Variants in WDR27 observed in about 807,000 individuals in gnomAD.
The protein encoded by WDR27 is WD repeat-containing protein 27.
A neutral mutation model predicts 114.4 loss-of-function variants in WDR27; 100 were observed. The ratio of observed to expected loss-of-function variants is 0.87; its 90% CI spans 0.74 to 1.03. The LOEUF (loss-of-function observed/expected upper bound fraction) is 1.03, where lower values mean the gene tolerates loss of function less well. WDR27 is among the 50% of genes least tolerant of loss of function. The probability of loss-of-function intolerance (pLI) is 0.00; values close to 1 mark genes in which losing one functional copy is unlikely to be tolerated. For synonymous variants in WDR27, 449 were observed against 423.1 expected, an observed-to-expected ratio of 1.06 and a Z score of -0.75; for missense variants, 1,129 against 1,092.9, an observed-to-expected ratio of 1.03 and a Z score of -0.47.
At chr6:169,605,730 CA>C (rs1462316846) in intron 22 of WDR27, among the ~76,000 whole-genome samples, 1 of 151,858 alleles carries the variant, frequency 6.6e-6, no homozygotes, top group Non-Finnish European at 1.5e-5. Flanking sequence ...TTATAGTAAC[CA>C]AAACAACATG....
At chr6:169,433,226 G>A in the WDR27 span, among the ~76,000 whole-genome samples, 2 of 152,140 alleles carry the variant, frequency 1.3e-5, no homozygotes, top group South Asian at 4.2e-4. Context: ...CATTAGCAGG[G>A]GTCTCCCTCC....
intron 13 of WDR27, chr6:169,657,832 T>C (rs1392403399): frequency 6.3e-6 from 1 of 158,764 alleles, no homozygotes; most frequent in African/African-American, 2.4e-5. Context: ...GGTTTTGATA[T>C]AACGTCATGG....
chr6:169,532,715 T>C (rs1795740382), intron 25 of WDR27, among the ~76,000 whole-genome samples: 1 of 152,172 alleles, frequency 6.6e-6, no homozygotes, highest in Non-Finnish European at 1.5e-5. Context: ...TGTATATTTG[T>C]TGTTGGGTAA....
Position 169,632,544 on chromosome 6 carries a change from GTCAAAACAGACTGGCTGTATCCAA to G in WDR27, c.2223+379_2223+402del, listed in dbSNP as rs1372289540. ...GTGGATATTTGTAAACTTTGTCTCT[GTCAAAACAGACTGGCTGTATCCAA>G]CAGCCTCCACCTTCAAAAAAAAGCT... On this transcript the variant is annotated intron_variant, in intron 21 of 25. Transcript: ENST00000448612. Among the ~76,000 whole-genome samples the G allele has an allele frequency of 5.9e-5, 9 of 152,130 alleles. No homozygotes were observed. The East Asian group carries it at 1.5e-3, about 26-fold the overall frequency.
intron 25 of WDR27, among the ~76,000 whole-genome samples, chr6:169,482,933 C>G (rs1217776890): frequency 6.6e-6 from 1 of 152,146 alleles, no homozygotes; most frequent in Non-Finnish European, 1.5e-5. Flanking sequence ...TCCTGAATGA[C>G]TTTTGGGTAA....
chr6:169,659,073 G>C lies in WDR27; in HGVS notation c.1319+13C>G. On this transcript the variant is annotated intron_variant, in intron 12 of 25. Transcript: ENST00000448612. This position sits in a 1 kb window ranked among gnomAD's most constrained non-coding sequence, Gnocchi z 4.3. The stretch of plus-strand genomic sequence containing the variant: ...GAACACACACACACACTCCACACTT[G>C]AAGACACTCTACCTGGCTGGCACCG... The C allele has an allele frequency of 1.3e-6, 2 of 1,534,686 alleles. No individual in the cohort carries two copies. Among genetic ancestry groups the C allele is most frequent in the African/African-American group, 1.4e-5 (1 of 71,874 alleles).
intron 23 of WDR27, among the ~76,000 whole-genome samples, chr6:169,596,152 ATTTT>A (rs1279471527): frequency 6.6e-6 from 1 of 152,022 alleles, no homozygotes; most frequent in Admixed American, 6.6e-5. Flanking sequence ...ATTTAACTAA[ATTTT>A]TTTAATTTTA....
intron 6 of WDR27, 55 bp downstream of exon 6, chr6:169,667,080 GA>G: frequency 6.9e-7 from 1 of 1,452,836 alleles, no homozygotes; most frequent in South Asian, 1.6e-5. Context: ...ATATGCTCTA[GA>G]AAAAGTGGGT....
At chr6:169,564,125 G>A (rs1454117303) in intron 25 of WDR27, among the ~76,000 whole-genome samples, 3 of 152,348 alleles carry the variant, frequency 2.0e-5, no homozygotes, top group Non-Finnish European at 4.4e-5. Context: ...GAAGGCCCAA[G>A]AGCCCCTGGC....
At chr6:169,460,604 A>G (rs977991555) in intron 25 of WDR27, among the ~76,000 whole-genome samples, 3 of 152,208 alleles carry the variant, frequency 2.0e-5, no homozygotes, top group African/African-American at 7.2e-5. Context: ...TAATTAGTTT[A>G]AATGTAAATG....
chr6:169,485,041 A>T (rs1303389040), intron 25 of WDR27, among the ~76,000 whole-genome samples: 2 of 152,224 alleles, frequency 1.3e-5, no homozygotes, highest in African/African-American at 4.8e-5. Flanking sequence ...TAAAAACTTA[A>T]ATGTAAAACC....
chr6:169,672,016 T>C, intron 3 of WDR27: 1 of 377,484 alleles, frequency 2.6e-6, no homozygotes, highest in East Asian at 4.1e-5. Flanking sequence ...CCAATGAGCC[T>C]ATAAGATCAG....
At chr6:169,672,735 G>A (rs1367440948) in intron 2 of WDR27, among the ~76,000 whole-genome samples, 1 of 152,184 alleles carries the variant, frequency 6.6e-6, no homozygotes, top group Non-Finnish European at 1.5e-5. Flanking sequence ...AGAATAAGGA[G>A]AGGAATGAGG....
In WDR27 at chr6:169,617,676, G is replaced by A. The variant is rs539029172; in HGVS notation, c.2224-4020C>T. On this transcript the variant is annotated intron_variant, in intron 21 of 25. Transcript: ENST00000448612. ...CAGGCCTGAGCCACTGTGCCCAGCC[G>A]CCCAACCCTAATCTTATTATGCAAA... Among the ~76,000 whole-genome samples the A allele has an allele frequency of 8.5e-5, 13 of 152,082 alleles. No homozygotes were observed. The East Asian group carries it at 1.2e-3, about 14-fold the overall frequency.
chr6:169,466,257 T>A lies in WDR27; in HGVS notation c.2646-8623A>T, dbSNP rs150509665. 6.0e-3 allele frequency among the ~76,000 whole-genome samples: 920 copies of A among 152,276 alleles called. 10 individuals are homozygous for A. Among genetic ancestry groups the A allele is most frequent in the African/African-American group, 0.021 (858 of 41,548 alleles). ...CAGCTTAATAAGGCCAGCTCTCTTA[T>A]ATGCCGTAGTATTAGTCTGTTTTCA... On this transcript the variant is annotated intron_variant, in intron 25 of 25. Transcript: ENST00000448612.
At chr6:169,568,387 G>A (rs539482042) in intron 25 of WDR27, among the ~76,000 whole-genome samples, 1 of 152,136 alleles carries the variant, frequency 6.6e-6, no homozygotes, top group South Asian at 2.1e-4. Flanking sequence ...AAATAAGCAA[G>A]AATCTGTAGG....
chr6:169,673,575 G>GC (rs1779322001), intron 2 of WDR27, among the ~76,000 whole-genome samples: 1 of 151,894 alleles, frequency 6.6e-6, no homozygotes, highest in South Asian at 2.1e-4. Flanking sequence ...AGTGACCCCA[G>GC]ATGCTGGGGT....
intron 7 of WDR27, chr6:169,665,152 A>G (rs527440083): frequency 9.6e-7 from 1 of 1,044,668 alleles, no homozygotes; most frequent in African/African-American, 1.7e-5. Context: ...GGGCGCGGGC[A>G]GCACCCGTGG....
chr6:169,432,998 C>T, the WDR27 span, among the ~76,000 whole-genome samples: 1 of 152,116 alleles, frequency 6.6e-6, no homozygotes, highest in East Asian at 1.9e-4. Flanking sequence ...ATAATAAAAT[C>T]CAGGCTGAGG....
Sources: gnomAD v4.1 joint callset for allele counts (sites outside exome capture counted in the v4.1 genomes callset) on GRCh38, gnomAD v4.1.1 for gene constraint, Gnocchi (gnomAD v3.1) non-coding constraint, MANE v1.5 for transcripts, NCBI Gene and HGNC (gene_info 2026-07-23, HGNC 2026-07-21) for gene names.